SYN3: variants seen among roughly 807,000 people sequenced by gnomAD.
SYN3 encodes the protein synapsin-3.
SYN3 carries 35 observed loss-of-function variants against 65.8 expected under a neutral mutation model. The ratio of observed to expected loss-of-function variants is 0.53; its 90% CI spans 0.41 to 0.70. SYN3 has a LOEUF of 0.70. Ranked by LOEUF, SYN3 falls within the 30% of genes least tolerant of loss-of-function variation. The pLI, the probability that SYN3 is intolerant of heterozygous loss-of-function variation, is 0.00. For missense variants in SYN3, 680 were observed against 749.0 expected, an observed-to-expected ratio of 0.91 and a Z score of 1.08; for synonymous variants, 270 against 292.9, an observed-to-expected ratio of 0.92 and a Z score of 0.80.
At chr22:32,962,990 T>G (rs1339462821) in intron 3 of SYN3, among the ~76,000 whole-genome samples, 1 of 150,786 alleles carries the variant, frequency 6.6e-6, no homozygotes, top group Non-Finnish European at 1.5e-5. Flanking sequence ...GATTTGTATA[T>G]GTATGTATAT....
At chr22:32,831,849 C>G (rs191929519) in intron 6 of SYN3, among the ~76,000 whole-genome samples, 13 of 151,628 alleles carry the variant, frequency 8.6e-5, no homozygotes, top group East Asian at 1.9e-4. Context: ...GTCACTGCAC[C>G]CCCCCCAACC....
intron 6 of SYN3, among the ~76,000 whole-genome samples, chr22:32,633,536 T>C (rs2059774842): frequency 6.6e-6 from 1 of 152,154 alleles, no homozygotes; most frequent in South Asian, 2.1e-4. Context: ...GAATCCTAGT[T>C]GTTGGGAAGG....
intron 6 of SYN3, among the ~76,000 whole-genome samples, chr22:32,799,873 T>C (rs2046521137): frequency 6.6e-6 from 1 of 152,148 alleles, no homozygotes; most frequent in African/African-American, 2.4e-5. Flanking sequence ...GTATTCCTAC[T>C]GTGGTTGGGG....
At chr22:32,870,410 AT>A (rs1257129482) in intron 4 of SYN3, among the ~76,000 whole-genome samples, 1 of 152,180 alleles carries the variant, frequency 6.6e-6, no homozygotes, top group Non-Finnish European at 1.5e-5. Context: ...ATAATTTTTA[AT>A]TTCTACACAA....
chr22:32,929,480 T>C (rs533404507), intron 4 of SYN3, among the ~76,000 whole-genome samples: 1 of 152,324 alleles, frequency 6.6e-6, no homozygotes, highest in African/African-American at 2.4e-5. Context: ...TATCTTTGAC[T>C]ACGTACTAGC....
intron 4 of SYN3, among the ~76,000 whole-genome samples, chr22:32,900,876 T>C (rs1263467342): frequency 6.6e-6 from 1 of 152,242 alleles, no homozygotes; most frequent in Non-Finnish European, 1.5e-5. Flanking sequence ...ATTTAATTAT[T>C]TGATCAATAT....
At chr22:33,046,880 T>C (rs543378439) in intron 1 of SYN3, among the ~76,000 whole-genome samples, 8 of 148,232 alleles carry the variant, frequency 5.4e-5, no homozygotes, top group Admixed American at 1.4e-4. Context: ...CAAACTCCTT[T>C]CCACAGCCCA....
intron 4 of SYN3, among the ~76,000 whole-genome samples, chr22:32,893,249 T>A (rs2049501348): frequency 6.6e-6 from 1 of 152,156 alleles, no homozygotes; most frequent in Non-Finnish European, 1.5e-5. Context: ...TTCACTCCAT[T>A]CCTCAACTAT....
intron 5 of SYN3, among the ~76,000 whole-genome samples, chr22:32,868,457 C>T (rs1485147797): frequency 2.6e-5 from 4 of 150,968 alleles, no homozygotes; most frequent in South Asian, 2.1e-4. Context: ...AACTTTTTTT[C>T]GAGACAGAGT....
At chr22:32,758,443 T>G (rs534425650) in intron 6 of SYN3, among the ~76,000 whole-genome samples, 98 of 151,600 alleles carry the variant, frequency 6.5e-4, no homozygotes, top group African/African-American at 2.1e-3. Flanking sequence ...CTTAATCTGG[T>G]GGGCACAATC....
At position 32,537,986 on chromosome 22, in the gene SYN3, C is replaced by T. The variant is rs370365072; in HGVS notation, c.992+50G>A. On this transcript the variant is annotated intron_variant, in intron 9 of 13. Coordinates refer to ENST00000358763, the MANE Select transcript of SYN3 (RefSeq NM_003490.4). ...AGGGCCTTTTGTTGCATTCCCCCTT[C>T]AGCTCCTACTATGGCCAGTGCCTCT... 6.4e-6 allele frequency: 10 copies of T among 1,556,154 alleles called. No individual in the cohort carries two copies. In the African/African-American group the frequency reaches 9.5e-5, roughly 15 times the overall value.
intron 6 of SYN3, among the ~76,000 whole-genome samples, chr22:32,653,998 C>T (rs140252896): frequency 5.9e-5 from 9 of 152,318 alleles, no homozygotes; most frequent in African/African-American, 1.7e-4. Flanking sequence ...GACCCCAACA[C>T]GTTCTCTGCT....
Position 32,569,451 on chromosome 22 carries a change from TC to T in SYN3, c.774+27222del, listed in dbSNP as rs1209728818. 3.2e-3 allele frequency among the ~76,000 whole-genome samples: 441 copies of T among 139,164 alleles called. 1 individual carries two copies. The highest frequency in any genetic ancestry group is 0.011 in the African/African-American group (401 of 36,542). The allele number at this position is 139,164 out of a possible 152,430, so 91.3% of individuals were successfully genotyped here. ...TCTATCTATCTATCTATCTATCTTCTCTATCTATCTAAAATCTATCAATTGA... is the reference window on the plus strand; with the variant it reads ...TCTATCTATCTATCTATCTATCTTCTTATCTATCTAAAATCTATCAATTGA... On this transcript the variant is annotated intron_variant, in intron 7 of 13. Coordinates refer to ENST00000358763, the MANE Select transcript of SYN3 (RefSeq NM_003490.4).
intron 2 of SYN3, among the ~76,000 whole-genome samples, chr22:32,985,186 A>C (rs2052487402): frequency 6.6e-6 from 1 of 152,218 alleles, no homozygotes; most frequent in Admixed American, 6.5e-5. Flanking sequence ...AAATGAAACA[A>C]GGCATACAAA....
chr22:32,544,514 T>C (rs2058308363), intron 7 of SYN3, among the ~76,000 whole-genome samples: 1 of 152,204 alleles, frequency 6.6e-6, no homozygotes, highest in South Asian at 2.1e-4. Context: ...GTCCACTCTT[T>C]GGCAAATCCC....
chr22:33,048,432 T>G (rs961815462), intron 1 of SYN3, among the ~76,000 whole-genome samples: 3 of 152,158 alleles, frequency 2.0e-5, no homozygotes, highest in Non-Finnish European at 4.4e-5. Flanking sequence ...TGAAATGTGA[T>G]CCCCAGTATT....
At chr22:32,867,386 T>C (rs2048713977) in intron 5 of SYN3, among the ~76,000 whole-genome samples, 1 of 152,244 alleles carries the variant, frequency 6.6e-6, no homozygotes, top group Non-Finnish European at 1.5e-5. Flanking sequence ...TGTTCACTGC[T>C]ATGTTTCTAG....
Position 32,886,395 on chromosome 22 carries a change from CT to C in SYN3, c.462-17271del, listed in dbSNP as rs2049287839. Among the ~76,000 whole-genome samples the C allele has an allele frequency of 2.6e-5, 4 of 152,136 alleles. No homozygotes were observed. The South Asian group carries it at 8.3e-4, about 32-fold the overall frequency. On this transcript the variant is annotated intron_variant, in intron 4 of 13. Transcript: ENST00000358763. ...CATGCATAAAGGAAAAGAGAAGGGG[CT>C]TTGCAGTTAGACCTGGCTTAGGATC...
chr22:32,673,854 C>A (rs1039600723), intron 6 of SYN3, among the ~76,000 whole-genome samples: 2 of 152,208 alleles, frequency 1.3e-5, no homozygotes, highest in East Asian at 3.9e-4. Flanking sequence ...CTCTGATGTG[C>A]AGGACAGTGC....
Sources: allele counts gnomAD v4.1 joint callset (sites outside exome capture counted in the v4.1 genomes callset), GRCh38; gene constraint gnomAD v4.1.1; transcripts MANE v1.5; gene names NCBI Gene and HGNC (gene_info 2026-07-23, HGNC 2026-07-21).